MARCHF1: variants seen among roughly 807,000 people sequenced by gnomAD.
The protein encoded by MARCHF1 is E3 ubiquitin-protein ligase MARCHF1.
In MARCHF1, 40 loss-of-function variants were observed where a neutral mutation model predicts 54.2. The ratio of observed to expected loss-of-function variants is 0.74; its 90% CI spans 0.57 to 0.96. The LOEUF is 0.96. Ranked by LOEUF, MARCHF1 falls within the 40% of genes least tolerant of loss-of-function variation. The pLI is 0.00. For synonymous variants in MARCHF1, 236 were observed against 236.3 expected (o/e 1.00, Z 0.01); for missense variants, 586 against 656.5 (o/e 0.89, Z 1.17).
At chr4:164,211,574 C>A (rs1312692417) in intron 1 of MARCHF1, among the ~76,000 whole-genome samples, 3 of 151,844 alleles carry the variant, frequency 2.0e-5, no homozygotes, top group African/African-American at 7.3e-5. Context: ...AAATTGTATC[C>A]ATTCATTCAA....
chr4:163,946,811 C>T (rs910234963), intron 3 of MARCHF1, among the ~76,000 whole-genome samples: 2 of 152,180 alleles, frequency 1.3e-5, no homozygotes, highest in Non-Finnish European at 2.9e-5. Flanking sequence ...GATTCAATTT[C>T]CCATTATCTA....
intron 1 of MARCHF1, among the ~76,000 whole-genome samples, chr4:164,145,686 C>G (rs1395295721): frequency 1.3e-4 from 20 of 151,486 alleles, no homozygotes; most frequent in Non-Finnish European, 2.2e-4. Context: ...ATAATAAGAG[C>G]TATCTATGAT....
In MARCHF1 at chr4:163,926,717, T is replaced by C. The variant is rs1443897604; in HGVS notation, c.-39+61784A>G. ...GTAGAAACTCATTTGAGATTTAGTT[T>C]GCATTTCTCTGATACTAAGACATTT... is the stretch of plus-strand genomic sequence containing the variant. On this transcript the variant is annotated intron_variant, in intron 3 of 9. Coordinates refer to ENST00000514618, the MANE Select transcript of MARCHF1 (RefSeq NM_001394959.1). Among the ~76,000 whole-genome samples the C allele has an allele frequency of 2.6e-5, 4 of 151,658 alleles. No individual in the cohort carries two copies. In the East Asian group the frequency reaches 7.7e-4, roughly 29 times the overall value.
At chr4:163,674,375 T>C (rs1743839098) in intron 5 of MARCHF1, among the ~76,000 whole-genome samples, 2 of 152,218 alleles carry the variant, frequency 1.3e-5, no homozygotes, top group South Asian at 4.1e-4. Context: ...GAGAAGTTGA[T>C]GAAGACAAGT....
chr4:164,100,008 C>T (rs1202943128), intron 2 of MARCHF1, among the ~76,000 whole-genome samples: 3 of 152,138 alleles, frequency 2.0e-5, no homozygotes, highest in African/African-American at 7.2e-5. Flanking sequence ...AACTGATAGT[C>T]TCTGTATTGA....
chr4:163,656,351 A>G (rs1743141145), intron 5 of MARCHF1, among the ~76,000 whole-genome samples: 1 of 152,072 alleles, frequency 6.6e-6, no homozygotes, highest in African/African-American at 2.4e-5. Flanking sequence ...CCAAGACTGA[A>G]CCAGGAAGAA....
intron 2 of MARCHF1, among the ~76,000 whole-genome samples, chr4:164,077,381 A>T (rs916828461): frequency 6.6e-6 from 1 of 152,200 alleles, no homozygotes; most frequent in Admixed American, 6.5e-5. Flanking sequence ...AAATTAACTC[A>T]AGATAGATTA....
At chr4:164,098,975 GA>G (rs1313557077) in intron 2 of MARCHF1, among the ~76,000 whole-genome samples, 1 of 152,162 alleles carries the variant, frequency 6.6e-6, no homozygotes, top group Non-Finnish European at 1.5e-5. Flanking sequence ...AAGCGGAAAA[GA>G]TTACCTTTTG....
At chr4:163,877,670 T>C (rs927291060) in intron 3 of MARCHF1, among the ~76,000 whole-genome samples, 2 of 152,150 alleles carry the variant, frequency 1.3e-5, no homozygotes, top group Non-Finnish European at 2.9e-5. Flanking sequence ...CTTCTCTGCA[T>C]CTTGCTTCTC....
intron 4 of MARCHF1, among the ~76,000 whole-genome samples, chr4:163,784,042 G>A (rs879504021): frequency 3.9e-5 from 6 of 151,970 alleles, no homozygotes; most frequent in African/African-American, 1.2e-4. Flanking sequence ...GTTAAACCAA[G>A]GTTAAACATT....
intron 3 of MARCHF1, among the ~76,000 whole-genome samples, chr4:163,891,062 A>C (rs1750650693): frequency 6.6e-6 from 1 of 152,162 alleles, no homozygotes; most frequent in Non-Finnish European, 1.5e-5. Flanking sequence ...ACCAGAGACA[A>C]AAGCAAGCTT....
At chr4:164,328,556 T>C (rs1386876729) in intron 1 of MARCHF1, among the ~76,000 whole-genome samples, 1 of 150,246 alleles carries the variant, frequency 6.7e-6, no homozygotes, top group Non-Finnish European at 1.5e-5. Context: ...TGAGATGGAG[T>C]TTTGCTCTTG....
In MARCHF1 at chr4:163,894,680, G is replaced by A. The variant is rs1346083395; in HGVS notation, c.-38-40511C>T. 6.7e-4 allele frequency among the ~76,000 whole-genome samples: 6 copies of A among 8,988 alleles called. 2 individuals are homozygous for A. The highest frequency in any genetic ancestry group is 1.2e-3 in the Non-Finnish European group (5 of 4,186). 5.9% of individuals were successfully genotyped at this position (8,988 alleles called of 152,430 possible). On this transcript the variant is annotated intron_variant, in intron 3 of 9. Transcript: ENST00000514618. ...ATATATGCATGTGATGCATATATATGCATGTGATGCATATATATATGCATG... is the reference window on the plus strand; with the variant it reads ...ATATATGCATGTGATGCATATATATACATGTGATGCATATATATATGCATG...
chr4:163,527,664 C>CTGTT lies in MARCHF1; in HGVS notation c.*1080_*1083dup, dbSNP rs970067574. ...CTTTGAAATAAAAGAATGAATTAAA[C>CTGTT]TGTTTTGAAATACTCAACAACTGTT... On this transcript the variant is annotated 3_prime_UTR_variant, in exon 10 of 10. Transcript: ENST00000514618. The CTGTT allele has an allele frequency of 1.2e-4, 18 of 151,892 alleles. No homozygotes were observed. Among genetic ancestry groups the CTGTT allele is most frequent in the Admixed American group, 9.9e-4 (15 of 15,214 alleles). 9.4% of individuals were successfully genotyped at this position (151,892 alleles called of 1,614,324 possible). A position where few individuals can be genotyped will look rare whatever the true frequency, so the allele number is the denominator to read the frequency against.
chr4:164,197,173 T>A (rs754341738), intron 1 of MARCHF1: 1 of 1,608,370 alleles, frequency 6.2e-7, no homozygotes, highest in African/African-American at 1.3e-5. Flanking sequence ...TTCCACTACC[T>A]GAGCATCTTC....
intron 4 of MARCHF1, among the ~76,000 whole-genome samples, chr4:163,782,370 C>T (rs753454356): frequency 2.0e-5 from 3 of 152,070 alleles, no homozygotes; most frequent in Admixed American, 1.3e-4. Flanking sequence ...CAGCAGAGTC[C>T]TTATTGAAAG....
intron 1 of MARCHF1, among the ~76,000 whole-genome samples, chr4:164,321,124 C>A (rs1305413965): frequency 2.0e-5 from 3 of 151,966 alleles, no homozygotes; most frequent in African/African-American, 7.3e-5. Flanking sequence ...CTAAAACAGT[C>A]CAATAACTGA....
intron 1 of MARCHF1, among the ~76,000 whole-genome samples, chr4:164,245,466 A>G (rs1261713520): frequency 2.6e-5 from 4 of 152,160 alleles, no homozygotes; most frequent in African/African-American, 9.7e-5. Context: ...AATAAGAGCT[A>G]TCTATGACAA....
chr4:163,861,771 G>A (rs1317989507), intron 3 of MARCHF1, among the ~76,000 whole-genome samples: 2 of 151,908 alleles, frequency 1.3e-5, no homozygotes, highest in African/African-American at 4.8e-5. Flanking sequence ...ACTAGTCAAG[G>A]CAATACTGAA....
Sources: allele counts gnomAD v4.1 joint callset (sites outside exome capture counted in the v4.1 genomes callset), GRCh38; gene constraint gnomAD v4.1.1; transcripts MANE v1.5; gene names NCBI Gene and HGNC (gene_info 2026-07-23, HGNC 2026-07-21).